Variants in FSIP1 observed in about 807,000 individuals in gnomAD.
The protein encoded by FSIP1 is fibrous sheath interacting protein 1.
Under a neutral mutation model 60.9 loss-of-function variants are expected in FSIP1, and 65 were observed. That is an observed-to-expected ratio of 1.07 (90% CI 0.87 to 1.31). The LOEUF (loss-of-function observed/expected upper bound fraction) is 1.31. Among genes scored for constraint, FSIP1 ranks in the 40% most tolerant of loss-of-function variants. The probability of loss-of-function intolerance (pLI) is 0.00; values close to 1 mark genes in which losing one functional copy is unlikely to be tolerated. For missense variants in FSIP1, 675 were observed against 665.5 expected (o/e 1.01, Z -0.16); for synonymous variants, 209 against 221.2 (o/e 0.94, Z 0.49).
chr15:39,659,123 G>GA (rs369730969), intron 10 of FSIP1, among the ~76,000 whole-genome samples: 1 of 152,156 alleles, frequency 6.6e-6, no homozygotes, highest in African/African-American at 2.4e-5. Context: ...CATAGAGGCA[G>GA]AAAAAAATCA....
intron 10 of FSIP1, among the ~76,000 whole-genome samples, chr15:39,674,725 C>T (rs1352364630): frequency 1.3e-5 from 2 of 152,162 alleles, no homozygotes; most frequent in Non-Finnish European, 2.9e-5. Flanking sequence ...AGAAGCATAT[C>T]TTTAAAATGT....
intron 10 of FSIP1, among the ~76,000 whole-genome samples, chr15:39,641,754 C>T (rs760106500): frequency 1.3e-5 from 2 of 152,166 alleles, no homozygotes; most frequent in East Asian, 3.9e-4. Flanking sequence ...TATGTCATAA[C>T]AAAACCGCGC....
chr15:39,645,369 C>T (rs1284251408), intron 10 of FSIP1, among the ~76,000 whole-genome samples: 8 of 152,140 alleles, frequency 5.3e-5, no homozygotes, highest in South Asian at 2.1e-4. Context: ...AAGAGAGCTA[C>T]GTGCCTCTGC....
chr15:39,675,008 C>CAA (rs112691018), intron 10 of FSIP1, among the ~76,000 whole-genome samples: 12 of 149,648 alleles, frequency 8.0e-5, no homozygotes, highest in African/African-American at 2.9e-4. Flanking sequence ...TCAGACAATT[C>CAA]AAAAAAAACT....
intron 5 of FSIP1, among the ~76,000 whole-genome samples, chr15:39,748,400 T>A (rs1897064169): frequency 6.6e-6 from 1 of 152,148 alleles, no homozygotes; most frequent in African/African-American, 2.4e-5. Flanking sequence ...CTTATAAAAG[T>A]TAATCATATA....
intron 10 of FSIP1, among the ~76,000 whole-genome samples, chr15:39,630,467 G>A (rs1891835106): frequency 6.6e-6 from 1 of 152,166 alleles, no homozygotes; most frequent in Non-Finnish European, 1.5e-5. Context: ...CCCTGTCAGC[G>A]GGTCCCTTAT....
At chr15:39,763,692 T>C in intron 5 of FSIP1, 129 bp downstream of exon 5, 1 of 620,746 alleles carries the variant, frequency 1.6e-6, no homozygotes, top group Non-Finnish European at 2.9e-6. Flanking sequence ...ATGTGATCAA[T>C]TATTTCCCTA....
At chr15:39,605,293 C>T (rs970854752) in intron 11 of FSIP1, among the ~76,000 whole-genome samples, 4 of 152,174 alleles carry the variant, frequency 2.6e-5, no homozygotes, top group Non-Finnish European at 5.9e-5. Context: ...ACTCTGATTT[C>T]AGCAAGTCTG....
intron 9 of FSIP1, among the ~76,000 whole-genome samples, chr15:39,719,747 G>A (rs938692167): frequency 4.6e-5 from 7 of 152,150 alleles, no homozygotes; most frequent in Non-Finnish European, 7.3e-5. Flanking sequence ...GATACTTCAG[G>A]CAGATTGTTT....
intron 8 of FSIP1, among the ~76,000 whole-genome samples, chr15:39,734,578 G>A (rs569363448): frequency 6.6e-6 from 1 of 152,266 alleles, no homozygotes; most frequent in East Asian, 1.9e-4. Context: ...TGAAATTTTA[G>A]AAACTAATTA....
intron 11 of FSIP1, among the ~76,000 whole-genome samples, chr15:39,617,163 T>C (rs924947946): frequency 1.3e-5 from 2 of 152,182 alleles, no homozygotes; most frequent in African/African-American, 4.8e-5. Flanking sequence ...ATTCACCAAT[T>C]GTTACACAGA....
At chr15:39,734,112 G>A (rs1159861837) in intron 8 of FSIP1, among the ~76,000 whole-genome samples, 1 of 152,098 alleles carries the variant, frequency 6.6e-6, no homozygotes, top group East Asian at 1.9e-4. Flanking sequence ...AATATAATCT[G>A]ATAAAATTGT....
intron 10 of FSIP1, among the ~76,000 whole-genome samples, chr15:39,630,725 A>G (rs1167398563): frequency 6.6e-6 from 1 of 152,232 alleles, no homozygotes; most frequent in Admixed American, 6.5e-5. Flanking sequence ...ATGAAGCCAG[A>G]CTATAAAGTT....
At chr15:39,768,935 C>A (rs749943963) in intron 3 of FSIP1, among the ~76,000 whole-genome samples, 3 of 152,214 alleles carry the variant, frequency 2.0e-5, no homozygotes, top group Non-Finnish European at 4.4e-5. Flanking sequence ...AACCTCTTAA[C>A]ACATTTCATT....
intron 1 of FSIP1, among the ~76,000 whole-genome samples, chr15:39,780,515 G>A (rs939881313): frequency 2.0e-5 from 3 of 151,784 alleles, no homozygotes; most frequent in African/African-American, 7.3e-5. Context: ...GCGAGACTCC[G>A]TGTCAAAAAA....
chr15:39,706,008 A>G (rs8029624), intron 10 of FSIP1, among the ~76,000 whole-genome samples: 19,101 of 151,794 alleles, frequency 0.13, 1,461 homozygotes, highest in African/African-American at 0.2. Context: ...AAAAAAAAAA[A>G]AAAAAAAAAT....
intron 5 of FSIP1, among the ~76,000 whole-genome samples, chr15:39,755,316 A>C (rs1897268222): frequency 6.6e-6 from 1 of 152,088 alleles, no homozygotes; most frequent in Admixed American, 6.6e-5. Context: ...CTCCATCTAA[A>C]GTTAGAGGCA....
chr15:39,630,705 A>G (rs939199819), intron 10 of FSIP1, among the ~76,000 whole-genome samples: 5 of 152,262 alleles, frequency 3.3e-5, no homozygotes, highest in African/African-American at 1.2e-4. Context: ...GCCCAGAACT[A>G]ATAAAAAAAA....
chr15:39,680,980 G>C (rs1894136623), intron 10 of FSIP1, among the ~76,000 whole-genome samples: 1 of 152,178 alleles, frequency 6.6e-6, no homozygotes, highest in Admixed American at 6.5e-5. Flanking sequence ...CTGATGCCAT[G>C]GTCAGGCTGT....
Sources: allele counts gnomAD v4.1 joint callset (sites outside exome capture counted in the v4.1 genomes callset), GRCh38; gene constraint gnomAD v4.1.1; transcripts MANE v1.5; gene names NCBI Gene and HGNC (gene_info 2026-07-23, HGNC 2026-07-21).